The following PTPRJ variants were observed in gnomAD, a reference collection of about 807,000 sequenced individuals.
The protein encoded by PTPRJ is receptor-type tyrosine-protein phosphatase eta.
Under a neutral mutation model 141.3 loss-of-function variants are expected in PTPRJ, and 129 were observed. The ratio of observed to expected loss-of-function variants is 0.91; its 90% confidence interval spans 0.79 to 1.06. PTPRJ has a LOEUF of 1.06. PTPRJ is among the 50% of genes least tolerant of loss of function. PTPRJ has a pLI of 0.00. For synonymous variants in PTPRJ, 610 were observed against 640.5 expected (o/e 0.95, Z 0.72); for missense variants, 1,601 against 1,679.7 (o/e 0.95, Z 0.82).
At chr11:48,032,411 T>A (rs1232134756) in intron 1 of PTPRJ, among the ~76,000 whole-genome samples, 1 of 152,220 alleles carries the variant, frequency 6.6e-6, no homozygotes, top group Non-Finnish European at 1.5e-5. Flanking sequence ...AGGCCTCAGA[T>A]GTGATTTTGT....
intron 1 of PTPRJ, among the ~76,000 whole-genome samples, chr11:48,067,773 G>C (rs141586916): frequency 6.6e-6 from 1 of 152,250 alleles, no homozygotes; most frequent in Admixed American, 6.5e-5. Flanking sequence ...CTCCTATCTA[G>C]ATAAGCAGGA....
chr11:48,145,611 T>G (rs1350055359), intron 14 of PTPRJ, among the ~76,000 whole-genome samples: 1 of 142,492 alleles, frequency 7.0e-6, no homozygotes, highest in Non-Finnish European at 1.5e-5. Flanking sequence ...CAGGCTGGAG[T>G]GCAGTGGCAC....
chr11:48,124,794 A>G (rs532838020), intron 5 of PTPRJ, among the ~76,000 whole-genome samples, 174 bp from the exon 6 acceptor site: 11 of 152,344 alleles, frequency 7.2e-5, no homozygotes, highest in African/African-American at 1.9e-4. Context: ...TGGAGCTATC[A>G]GGCCTTTTTA....
At chr11:47,981,146 A>T (rs1035231585) in intron 1 of PTPRJ, 138 bp downstream of exon 1, 2 of 888,420 alleles carry the variant, frequency 2.3e-6, no homozygotes, top group Non-Finnish European at 2.9e-6. Context: ...CCGGAAGGCG[A>T]CTTGCGGGGA....
chr11:48,043,174 C>T (rs1337178666), intron 1 of PTPRJ, among the ~76,000 whole-genome samples: 1 of 152,078 alleles, frequency 6.6e-6, no homozygotes, highest in Non-Finnish European at 1.5e-5. Flanking sequence ...CTTTTAGCTC[C>T]ATATTTATAA....
intron 10 of PTPRJ, among the ~76,000 whole-genome samples, chr11:48,138,867 G>T (rs1252661101): frequency 6.6e-6 from 1 of 152,180 alleles, no homozygotes; most frequent in Non-Finnish European, 1.5e-5. Flanking sequence ...TGGGCTGGTG[G>T]CTCACACCTA....
chr11:48,015,804 A>G (rs976637675), intron 1 of PTPRJ: 3 of 150,188 alleles, frequency 2.0e-5, no homozygotes, highest in South Asian at 4.2e-4. Context: ...CAGTGAGCCA[A>G]GATCATGCCA....
chr11:48,111,366 A>C (rs1259047357), intron 2 of PTPRJ, among the ~76,000 whole-genome samples: 3 of 127,444 alleles, frequency 2.4e-5, no homozygotes, highest in Admixed American at 7.9e-5. Context: ...AAAAAAAAAA[A>C]CCATGGTTTT....
intron 1 of PTPRJ, among the ~76,000 whole-genome samples, chr11:47,987,380 T>C (rs997090891): frequency 6.6e-6 from 1 of 152,138 alleles, no homozygotes; most frequent in African/African-American, 2.4e-5. Context: ...TAAATAATTA[T>C]GTGAGTATGA....
chr11:48,026,683 T>C (rs1853821056), intron 1 of PTPRJ, among the ~76,000 whole-genome samples: 1 of 151,932 alleles, frequency 6.6e-6, no homozygotes, highest in African/African-American at 2.4e-5. Context: ...CTCCTGACCT[T>C]GTGATCCGCC....
At chr11:47,988,481 G>C (rs1319734906) in intron 1 of PTPRJ, among the ~76,000 whole-genome samples, 1 of 152,022 alleles carries the variant, frequency 6.6e-6, no homozygotes, top group Non-Finnish European at 1.5e-5. Flanking sequence ...ACAGTGCTGG[G>C]ATTACAGGTG....
rs768525817 is a variant in PTPRJ at position 48,139,676 on chromosome 11, G to A, written c.2343G>A (p.Thr781=). The A allele has an allele frequency of 1.9e-5, 31 of 1,614,026 alleles. No homozygotes were observed. The highest frequency in any genetic ancestry group is 9.9e-5 in the South Asian group (9 of 91,082). Residue 781 remains threonine (T), a synonymous_variant, in exon 11 of 25, where the codon ACG becomes ACA. Transcript: ENST00000418331. ...GCACTGAGTATAGAACGGAAGTCACGTATTTGAATTTTTCTACCTCGTACA... is the reference window on the plus strand; with the variant it reads ...GCACTGAGTATAGAACGGAAGTCACATATTTGAATTTTTCTACCTCGTACA... ...ENGTEYRTEV[T]YLNFSTSYNI... is the part of the protein sequence containing the mutation.
intron 1 of PTPRJ, among the ~76,000 whole-genome samples, chr11:48,031,469 A>G (rs1172876416): frequency 6.6e-6 from 1 of 152,206 alleles, no homozygotes. Flanking sequence ...AAAGCATGAT[A>G]CAGATGATGA....
At chr11:48,150,037 T>G (rs1157489818) in intron 17 of PTPRJ, 39 bp downstream of exon 17, 3 of 1,533,152 alleles carry the variant, frequency 2.0e-6, no homozygotes, top group South Asian at 1.1e-5. Context: ...ACTTGTACTT[T>G]TCTATTGAAT....
chr11:48,031,167 G>T (rs1228047), intron 1 of PTPRJ, among the ~76,000 whole-genome samples: 10,875 of 152,214 alleles, frequency 0.071, 1,257 homozygotes, highest in African/African-American at 0.24. Context: ...CTCATCTTTT[G>T]TTATTTTTAT....
At chr11:48,044,152 C>T (rs1397030176) in intron 1 of PTPRJ, among the ~76,000 whole-genome samples, 1 of 152,226 alleles carries the variant, frequency 6.6e-6, no homozygotes, top group Non-Finnish European at 1.5e-5. Flanking sequence ...GGGCTTTGGC[C>T]TTGGCCCGCA....
At chr11:48,078,306 C>T (rs868289469) in intron 1 of PTPRJ, among the ~76,000 whole-genome samples, 4 of 152,118 alleles carry the variant, frequency 2.6e-5, no homozygotes, top group African/African-American at 9.7e-5. Context: ...GATCCACCCA[C>T]CATGGCCTCC....
At chr11:48,088,677 T>G in intron 1 of PTPRJ, among the ~76,000 whole-genome samples, 1 of 152,174 alleles carries the variant, frequency 6.6e-6, no homozygotes, top group Non-Finnish European at 1.5e-5. Flanking sequence ...TCCTGAGGTC[T>G]TTCCATGTTA....
At chr11:48,052,719 G>C (rs967844820) in intron 1 of PTPRJ, among the ~76,000 whole-genome samples, 16 of 152,094 alleles carry the variant, frequency 1.1e-4, no homozygotes, top group Non-Finnish European at 2.1e-4. Context: ...AAGCTTATTT[G>C]CCCAAAAGGG....
Sources: allele counts gnomAD v4.1 joint callset (sites outside exome capture counted in the v4.1 genomes callset), GRCh38; gene constraint gnomAD v4.1.1; transcripts MANE v1.5; gene names NCBI Gene and HGNC (gene_info 2026-07-23, HGNC 2026-07-21).